Variants in EVI5 observed in about 807,000 individuals in gnomAD.
EVI5 encodes ecotropic viral integration site 5 protein homolog.
In EVI5, 73 loss-of-function variants were observed where a neutral mutation model predicts 112.0. The observed-to-expected ratio is 0.65, with a 90% CI of 0.54 to 0.79. The LOEUF (loss-of-function observed/expected upper bound fraction) is 0.79. EVI5 is among the 30% of genes least tolerant of loss of function. The pLI is 0.00. For synonymous variants in EVI5, 305 were observed against 319.9 expected, an observed-to-expected ratio of 0.95 and a Z score of 0.50; for missense variants, 900 against 968.8, an observed-to-expected ratio of 0.93 and a Z score of 0.94.
chr1:92,539,585 A>G (rs2101939467), intron 19 of EVI5, among the ~76,000 whole-genome samples: 1 of 149,840 alleles, frequency 6.7e-6, no homozygotes, highest in Non-Finnish European at 1.5e-5. Flanking sequence ...CCATTCTCCC[A>G]AAGATCCGCC....
chr1:92,700,582 A>G (rs567713457), intron 5 of EVI5, among the ~76,000 whole-genome samples: 1 of 152,236 alleles, frequency 6.6e-6, no homozygotes, highest in African/African-American at 2.4e-5. Context: ...TAATATCTCT[A>G]CCACCACTGC....
At chr1:92,606,943 T>G (rs1410011985) in intron 17 of EVI5, among the ~76,000 whole-genome samples, 1 of 141,646 alleles carries the variant, frequency 7.1e-6, no homozygotes, top group Non-Finnish European at 1.5e-5. Context: ...CCCTCCCTCC[T>G]CTCCTTCCAT....
At chr1:92,704,774 C>A in intron 2 of EVI5, 30 bp from the exon 3 acceptor site, 1 of 1,132,640 alleles carries the variant, frequency 8.8e-7, no homozygotes, top group Non-Finnish European at 1.2e-6. Context: ...TGTTCAAGAT[C>A]TAATCGGACA....
At chr1:92,750,925 C>T (rs1248948454) in intron 1 of EVI5, among the ~76,000 whole-genome samples, 2 of 152,008 alleles carry the variant, frequency 1.3e-5, no homozygotes, top group Non-Finnish European at 2.9e-5. Context: ...CCGAGGCGGG[C>T]GGATCATGAG....
At chr1:92,684,541 C>T (rs763496783) in intron 9 of EVI5, among the ~76,000 whole-genome samples, 46 of 152,226 alleles carry the variant, frequency 3.0e-4, no homozygotes, top group Non-Finnish European at 5.9e-4. Flanking sequence ...GGGTCAAATT[C>T]AAACATAACA....
At chr1:92,740,687 T>C (rs1678232256) in intron 1 of EVI5, among the ~76,000 whole-genome samples, 1 of 152,222 alleles carries the variant, frequency 6.6e-6, no homozygotes, top group African/African-American at 2.4e-5. Flanking sequence ...TAAAATCAAC[T>C]AATATTTACT....
At chr1:92,654,077 C>T (rs11164791) in intron 13 of EVI5, among the ~76,000 whole-genome samples, 92,993 of 151,494 alleles carry the variant, frequency 0.61, 29,358 homozygotes, top group East Asian at 0.93. Flanking sequence ...GCCGGCTTGG[C>T]TGTCCATCTC....
intron 1 of EVI5, among the ~76,000 whole-genome samples, chr1:92,744,313 C>T (rs920718164): frequency 1.3e-5 from 2 of 152,072 alleles, no homozygotes; most frequent in African/African-American, 4.8e-5. Context: ...CTATATATAT[C>T]AATTAAATCC....
chr1:92,730,633 G>A (rs1676308155), intron 2 of EVI5, among the ~76,000 whole-genome samples: 1 of 139,458 alleles, frequency 7.2e-6, no homozygotes, highest in Non-Finnish European at 1.5e-5. Context: ...AGCAAGCCAT[G>A]ATTATGCCAC....
chr1:92,535,311 G>A (rs916717925), intron 19 of EVI5, among the ~76,000 whole-genome samples: 2 of 152,198 alleles, frequency 1.3e-5, no homozygotes, highest in Non-Finnish European at 2.9e-5. Context: ...CTGTTGGTGG[G>A]AGTGTAAATT....
intron 19 of EVI5, among the ~76,000 whole-genome samples, chr1:92,557,897 G>GTATT (rs59677545): frequency 0.58 from 85,916 of 148,416 alleles, 25,559 homozygotes; most frequent in East Asian, 0.91. Context: ...GCCAATTTTT[G>GTATT]TATTTATTTA....
At chr1:92,535,819 T>A (rs889726760) in intron 19 of EVI5, among the ~76,000 whole-genome samples, 2 of 152,044 alleles carry the variant, frequency 1.3e-5, no homozygotes, top group Non-Finnish European at 2.9e-5. Flanking sequence ...GATGACGGGT[T>A]GATGGGTGCA....
intron 18 of EVI5, among the ~76,000 whole-genome samples, chr1:92,569,852 C>CAAAAAAAA (rs1184172805): frequency 5.1e-5 from 2 of 39,506 alleles, no homozygotes; most frequent in East Asian, 1.3e-3. Flanking sequence ...GACTCCATCT[C>CAAAAAAAA]AAAAAAAAAA....
chr1:92,730,066 A>G, intron 2 of EVI5, among the ~76,000 whole-genome samples: 1 of 152,210 alleles, frequency 6.6e-6, no homozygotes, highest in East Asian at 1.9e-4. Context: ...TTCTCAGCAA[A>G]CAAGAAATAG....
chr1:92,766,693 T>C lies in EVI5; in HGVS notation c.-82+18143A>G, dbSNP rs115713535. Among the ~76,000 whole-genome samples, 313 of 152,338 alleles carry C rather than the reference T, an allele frequency of 2.1e-3. 1 individual carries two copies. The highest frequency in any genetic ancestry group is 7.3e-3 in the African/African-American group (302 of 41,586). On this transcript the variant is annotated intron_variant, in intron 1 of 19. Coordinates refer to ENST00000684568, the MANE Select transcript of EVI5 (RefSeq NM_001350197.2). ...ACTTTAACTACACAGGTACAGTAGTTCCTCCTTATCTGAGGTTTCACTCTC... is the reference window on the plus strand; with the variant it reads ...ACTTTAACTACACAGGTACAGTAGTCCCTCCTTATCTGAGGTTTCACTCTC...
At chr1:92,740,644 G>A (rs1678225163) in intron 1 of EVI5, among the ~76,000 whole-genome samples, 1 of 152,134 alleles carries the variant, frequency 6.6e-6, no homozygotes, top group African/African-American at 2.4e-5. Context: ...ATATACATAT[G>A]TGTGTATGTG....
intron 1 of EVI5, among the ~76,000 whole-genome samples, chr1:92,763,999 T>A (rs115586704): frequency 6.6e-6 from 1 of 152,196 alleles, no homozygotes; most frequent in Admixed American, 6.5e-5. Context: ...ACCAAACTAA[T>A]CTATGTTGGT....
rs190803024 is a variant in EVI5 at position 92,512,261 on chromosome 1, T to C, written c.*1395A>G. ...CATGTTAATAGATTATTTGTAGATA[T>C]AATTGCTATGTTTCTTGGACCTTAG... On this transcript the variant is annotated 3_prime_UTR_variant, in exon 20 of 20. Transcript: ENST00000684568. 5.2e-5 allele frequency: 8 copies of C among 152,780 alleles called. No homozygotes were observed. The East Asian group carries it at 1.5e-3, about 29-fold the overall frequency. 9.5% of individuals were successfully genotyped at this position (152,780 alleles called of 1,614,324 possible). A position where few individuals can be genotyped will look rare whatever the true frequency, so the allele number is the denominator to read the frequency against.
intron 19 of EVI5, among the ~76,000 whole-genome samples, chr1:92,530,010 A>G (rs757548942): frequency 2.6e-5 from 4 of 152,170 alleles, no homozygotes; most frequent in Non-Finnish European, 4.4e-5. Flanking sequence ...AAATATTTAA[A>G]ATAAGCACTG....
Sources: gnomAD v4.1 joint callset for allele counts (sites outside exome capture counted in the v4.1 genomes callset) on GRCh38, gnomAD v4.1.1 for gene constraint, MANE v1.5 for transcripts, NCBI Gene and HGNC (gene_info 2026-07-23, HGNC 2026-07-21) for gene names.